Variants in UNC13C observed in about 807,000 individuals in gnomAD.
UNC13C encodes protein unc-13 homolog C.
A neutral mutation model predicts 245.4 loss-of-function variants in UNC13C; 174 were observed. That is an observed-to-expected ratio of 0.71 (90% CI 0.63 to 0.80). UNC13C has a LOEUF of 0.80. Among genes scored for constraint, UNC13C ranks in the 30% least tolerant of loss-of-function variants. UNC13C has a pLI of 0.00. For missense variants in UNC13C, 2,829 were observed against 2,602.9 expected, an observed-to-expected ratio of 1.09 and a Z score of -1.89; for synonymous variants, 992 against 895.1, an observed-to-expected ratio of 1.11 and a Z score of -1.93.
intron 2 of UNC13C, among the ~76,000 whole-genome samples, chr15:54,042,931 A>T (rs1896875874): frequency 6.6e-6 from 1 of 152,142 alleles, no homozygotes; most frequent in African/African-American, 2.4e-5. Context: ...ATGTTACGAA[A>T]GTACGACAAA....
At position 54,489,415 on chromosome 15, in the gene UNC13C, A is replaced by G. The variant is rs1264758890; in HGVS notation, c.4934-5193A>G. The stretch of plus-strand genomic sequence containing the variant: ...TGGTTTTCTGTGCAGTGGTGCATCA[A>G]TTCATAGTGGAGTCAGCTAGAGTTA... On this transcript the variant is annotated intron_variant, in intron 19 of 32. Transcript: ENST00000260323. 2.6e-5 allele frequency among the ~76,000 whole-genome samples: 4 copies of G among 152,204 alleles called. No homozygotes were observed. In the East Asian group the frequency reaches 5.8e-4, roughly 22 times the overall value.
chr15:54,188,399 G>T (rs910148981), intron 4 of UNC13C, among the ~76,000 whole-genome samples: 1 of 151,924 alleles, frequency 6.6e-6, no homozygotes, highest in East Asian at 1.9e-4. Flanking sequence ...ATTATATAAA[G>T]AATTTTATTT....
chr15:53,929,083 C>T, the UNC13C span, among the ~76,000 whole-genome samples: 2,972 of 152,244 alleles, frequency 0.02, 59 homozygotes, highest in East Asian at 0.07. Flanking sequence ...AATGGATTCA[C>T]GGTTCCACAC....
chr15:54,070,748 C>T (rs1437075265), intron 2 of UNC13C, among the ~76,000 whole-genome samples: 1 of 152,126 alleles, frequency 6.6e-6, no homozygotes, highest in Non-Finnish European at 1.5e-5. Context: ...CTTCCTTCAT[C>T]TACATTTCTC....
chr15:54,533,958 T>TA (rs1220194058), intron 26 of UNC13C, among the ~76,000 whole-genome samples: 1 of 152,204 alleles, frequency 6.6e-6, no homozygotes, highest in Non-Finnish European at 1.5e-5. Context: ...TCATATATGT[T>TA]AGTTTACATA....
chr15:53,860,408 C>T, the UNC13C span, among the ~76,000 whole-genome samples: 1 of 152,166 alleles, frequency 6.6e-6, no homozygotes, highest in Non-Finnish European at 1.5e-5. Flanking sequence ...GGTCCATCAT[C>T]CTAGCCACAA....
In UNC13C at chr15:54,031,413, C is replaced by T. The variant is rs542463477; in HGVS notation, c.2983+15527C>T. 5.3e-4 allele frequency among the ~76,000 whole-genome samples: 81 copies of T among 152,258 alleles called. 1 individual carries two copies. The South Asian group carries it at 0.012, about 23-fold the overall frequency. ...TAATTTTTTGTATTTTTAGTAGAGACGGGGTTTCACTGTGTTAGCCAGGAT... is the reference window on the plus strand; with the variant it reads ...TAATTTTTTGTATTTTTAGTAGAGATGGGGTTTCACTGTGTTAGCCAGGAT... On this transcript the variant is annotated intron_variant, in intron 2 of 32. Transcript: ENST00000260323.
rs754260646 is a variant in UNC13C at position 54,338,416 on chromosome 15, G to A, written c.4640G>A (p.Arg1547Lys). 5.6e-6 allele frequency: 9 copies of A among 1,613,752 alleles called. No homozygotes were observed. In the Admixed American group the frequency reaches 1.3e-4, roughly 24 times the overall value. Residue 1547 changes from arginine to lysine, a missense_variant, in exon 17 of 33, where the codon AGG becomes AAG. Transcript: ENST00000260323. ...KASMVVKDCV[R>K]ACLDSTYKYI... is the part of the protein sequence containing the mutation. ...AGCATGGTGGTGAAGGACTGTGTAAGGGCTTGCCTGGATTCTACATACAAG... is the reference window on the plus strand; with the variant it reads ...AGCATGGTGGTGAAGGACTGTGTAAAGGCTTGCCTGGATTCTACATACAAG...
At chr15:53,891,809 T>C in the UNC13C span, among the ~76,000 whole-genome samples, 1 of 152,230 alleles carries the variant, frequency 6.6e-6, no homozygotes, top group Non-Finnish European at 1.5e-5. Flanking sequence ...CTTGACTGTT[T>C]ATCCAATTTG....
At chr15:53,915,425 A>C in the UNC13C span, among the ~76,000 whole-genome samples, 1 of 152,242 alleles carries the variant, frequency 6.6e-6, no homozygotes, top group Admixed American at 6.5e-5. Context: ...AGAGGCCTAA[A>C]GAGAACCTGT....
At chr15:54,182,367 C>T (rs1056485707) in intron 4 of UNC13C, among the ~76,000 whole-genome samples, 3 of 152,058 alleles carry the variant, frequency 2.0e-5, no homozygotes, top group African/African-American at 7.2e-5. Context: ...ACCAACCTTG[C>T]ATCCCAGGAA....
At chr15:54,300,125 A>T (rs1246620924) in intron 12 of UNC13C, 85 bp from the exon 13 acceptor site, 1 of 1,308,378 alleles carries the variant, frequency 7.6e-7, no homozygotes, top group African/African-American at 1.5e-5. Flanking sequence ...ATGACAGTGC[A>T]AGAGCATTTT....
At chr15:53,864,950 AG>A in the UNC13C span, among the ~76,000 whole-genome samples, 3 of 152,192 alleles carry the variant, frequency 2.0e-5, no homozygotes, top group African/African-American at 7.2e-5. Flanking sequence ...GGCATTAACC[AG>A]GGGTCAGAAG....
chr15:54,371,715 T>C (rs893454062), intron 17 of UNC13C, among the ~76,000 whole-genome samples: 6 of 118,308 alleles, frequency 5.1e-5, no homozygotes, highest in Non-Finnish European at 1.0e-4. Context: ...GATATATATA[T>C]ATACACACAC....
At position 54,445,265 on chromosome 15, in the gene UNC13C, G is replaced by A. The variant is rs8034531; in HGVS notation, c.4933+30198G>A. Among the ~76,000 whole-genome samples, 730 of 152,076 alleles carry A rather than the reference G, an allele frequency of 4.8e-3. 10 individuals are homozygous for A. Among genetic ancestry groups the A allele is most frequent in the African/African-American group, 0.016 (684 of 41,514 alleles). On this transcript the variant is annotated intron_variant, in intron 19 of 32. Coordinates refer to ENST00000260323, the MANE Select transcript of UNC13C (RefSeq NM_001080534.3). ...AGTCTTTGCTATTGTGAATAGTGCC[G>A]CAATAAACATACATGTGCATGTGTC... is the stretch of plus-strand genomic sequence containing the variant.
chr15:54,197,466 A>C (rs2034393159), intron 4 of UNC13C, among the ~76,000 whole-genome samples: 1 of 152,066 alleles, frequency 6.6e-6, no homozygotes, highest in African/African-American at 2.4e-5. Context: ...CCATCTCAAA[A>C]AAAAAAAAAG....
rs751060896 is a variant in UNC13C at position 54,627,181 on chromosome 15, G to A, written c.*68G>A. The A allele has an allele frequency of 1.5e-5, 21 of 1,440,894 alleles. No homozygotes were observed. The highest frequency in any genetic ancestry group is 1.9e-5 in the Non-Finnish European group (20 of 1,068,396). The allele number at this position is 1,440,894 out of a possible 1,614,324, so 89.3% of individuals were successfully genotyped here. On this transcript the variant is annotated 3_prime_UTR_variant, in exon 33 of 33. Transcript: ENST00000260323. The stretch of plus-strand genomic sequence containing the variant: ...TACTGCATGCATGTGCAAATACATG[G>A]GAATGTTTAGTTCACTACATTTCAA...
chr15:54,534,860 T>A (rs1054565462), intron 26 of UNC13C, among the ~76,000 whole-genome samples: 3 of 152,172 alleles, frequency 2.0e-5, no homozygotes, highest in Non-Finnish European at 2.9e-5. Flanking sequence ...AAGCAAATGC[T>A]AAGGAAATTT....
intron 2 of UNC13C, among the ~76,000 whole-genome samples, chr15:54,060,783 C>T (rs1276628487): frequency 1.3e-5 from 2 of 152,104 alleles, no homozygotes; most frequent in African/African-American, 2.4e-5. Flanking sequence ...GAATACTATG[C>T]AGCCATAAAA....
Sources: allele counts gnomAD v4.1 joint callset (sites outside exome capture counted in the v4.1 genomes callset), GRCh38; gene constraint gnomAD v4.1.1; transcripts MANE v1.5; gene names NCBI Gene and HGNC (gene_info 2026-07-23, HGNC 2026-07-21).